AGL: variants seen among roughly 807,000 people sequenced by gnomAD.
The protein encoded by AGL is amylo-alpha-1,6-glucosidase and 4-alpha-glucanotransferase, also known as glycogen debranching enzyme.
A neutral mutation model predicts 199.3 loss-of-function variants in AGL; 128 were observed. The observed-to-expected ratio is 0.64, with a 90% CI of 0.56 to 0.74. The LOEUF (loss-of-function observed/expected upper bound fraction) is 0.74, where lower values mean the gene tolerates loss of function less well. AGL is among the 30% of genes least tolerant of loss of function. The probability of loss-of-function intolerance (pLI) is 0.00; values close to 1 mark genes in which losing one functional copy is unlikely to be tolerated. For missense variants in AGL, 1,809 were observed against 1,820.8 expected, an observed-to-expected ratio of 0.99 and a Z score of 0.12; for synonymous variants, 584 against 594.7, an observed-to-expected ratio of 0.98 and a Z score of 0.26.
chr1:99,849,795 G>A (rs1648777809), upstream of AGL, among the ~76,000 whole-genome samples: 2 of 152,236 alleles, frequency 1.3e-5, no homozygotes, highest in South Asian at 4.1e-4. Context: ...GACACCAGAA[G>A]CCAGGTCGTT....
chr1:99,904,867 C>T (rs1570492062), intron 27 of AGL, among the ~76,000 whole-genome samples: 1 of 152,238 alleles, frequency 6.6e-6, no homozygotes, highest in East Asian at 1.9e-4. Context: ...TCATCCAAAC[C>T]ATTCATCCAT....
Position 99,861,539 on chromosome 1 carries a change from A to C in AGL, c.119A>C (p.Gln40Pro), listed in dbSNP as rs1364402397. ...CAGTTCCGATTAGGCCCAACTTTAC[A>C]GGGAAAAGCAGTTACCGTGTATACA... ...ELQFRLGPTL[Q>P]GKAVTVYTNY... The change falls in exon 3 of 34, where the codon CAG becomes CCG. Residue 40 changes from glutamine to proline, a missense_variant. Coordinates refer to ENST00000361915, the MANE Select transcript of AGL (RefSeq NM_000642.3). 6.2e-7 allele frequency: 1 copy of C among 1,613,932 alleles called. No individual in the cohort carries two copies. Among genetic ancestry groups the C allele is most frequent in the East Asian group, 2.2e-5 (1 of 44,846 alleles).
chr1:99,881,099 TC>T lies in AGL; in HGVS notation c.1925del (p.Pro642GlnfsTer22), dbSNP rs753246978. 2 of 1,613,958 alleles carry T rather than the reference TC, an allele frequency of 1.2e-6. No individual in the cohort carries two copies. Among genetic ancestry groups the T allele is most frequent in the Admixed American group, 1.7e-5 (1 of 60,008 alleles). Reference protein sequence around the residue: ...IVHRSAYDALPSTTIVSMACC... With the variant: ...IVHRSAYDALXSTTIVSMACC... ...AGCATAGATCAGCGTATGATGCTCT[TC>T]CAAGTACTACAATTGTTTCTATGGC... On this transcript the variant is annotated frameshift_variant, in exon 15 of 34. Coordinates refer to ENST00000361915, the MANE Select transcript of AGL (RefSeq NM_000642.3). LOFTEE classifies it high-confidence loss of function.
chr1:99,904,619 C>T (rs373480501), intron 27 of AGL, among the ~76,000 whole-genome samples: 50 of 152,208 alleles, frequency 3.3e-4, no homozygotes, highest in African/African-American at 1.1e-3. Context: ...CTGACCACTC[C>T]ACCCCCAACC....
intron 5 of AGL, among the ~76,000 whole-genome samples, chr1:99,869,167 A>C (rs1003711520): frequency 6.6e-6 from 1 of 152,126 alleles, no homozygotes; most frequent in African/African-American, 2.4e-5. Flanking sequence ...TTTGGACATA[A>C]GTTATTACTA....
At chr1:99,902,584 G>C (rs1653927017) in intron 26 of AGL, 99 bp from the exon 27 acceptor site, 1 of 985,806 alleles carries the variant, frequency 1.0e-6, no homozygotes, top group Non-Finnish European at 1.6e-6. Context: ...CACTTCAAAG[G>C]AAAGTATATA....
At chr1:99,912,370 A>G (rs1354336343) in intron 28 of AGL, 35 bp from the exon 29 acceptor site, 2 of 1,555,038 alleles carry the variant, frequency 1.3e-6, no homozygotes, top group Non-Finnish European at 1.8e-6. Context: ...AAAGGACGCC[A>G]ACTTAAAGAA....
Position 99,896,375 on chromosome 1 carries a change from T to G in AGL, c.3349T>G (p.Tyr1117Asp). The G allele has an allele frequency of 6.2e-7, 1 of 1,613,328 alleles. No homozygotes were observed. Reference protein sequence around the residue: ...LRGILLITGRYVEARNIILAF... With the variant: ...LRGILLITGRDVEARNIILAF... Reference sequence around the variant, plus strand: ...AGGTATACTGCTGATTACTGGACGCTATGTAGAAGCCAGGTAGGAGAGCCT... The same window carrying G: ...AGGTATACTGCTGATTACTGGACGCGATGTAGAAGCCAGGTAGGAGAGCCT... The change falls in exon 25 of 34, where the codon TAT (tyrosine) becomes GAT (aspartate). Residue 1117 changes from tyrosine (Y) to aspartate (D), a missense_variant. Tyr to Asp is a radical substitution (Grantham distance 160). Coordinates refer to ENST00000361915, the MANE Select transcript of AGL (RefSeq NM_000642.3).
intron 4 of AGL, among the ~76,000 whole-genome samples, chr1:99,863,945 A>G (rs1251074344): frequency 1.3e-5 from 2 of 152,078 alleles, no homozygotes; most frequent in Non-Finnish European, 2.9e-5. Flanking sequence ...CCTGATCTCA[A>G]TATTAATTTT....
rs1157077836 is a variant in AGL, at chr1:99,900,986, A to G, written c.3588+125A>G. 4.3e-6 allele frequency: 4 copies of G among 930,646 alleles called. No individual in the cohort carries two copies. In the East Asian group the frequency reaches 1.0e-4, roughly 24 times the overall value. 57.6% of individuals were successfully genotyped at this position (930,646 alleles called of 1,614,324 possible). A position where few individuals can be genotyped will look rare whatever the true frequency, so the allele number is the denominator to read the frequency against. ...TCTTACGAATTATTCAAATGTCAGT[A>G]TTGATTTGGCACCTGCTGGTACTAT... On this transcript the variant is annotated intron_variant, in intron 26 of 33. Coordinates refer to ENST00000361915, the MANE Select transcript of AGL (RefSeq NM_000642.3).
intron 27 of AGL, among the ~76,000 whole-genome samples, chr1:99,904,152 T>C (rs540624768): frequency 5.3e-5 from 8 of 152,162 alleles, no homozygotes; most frequent in Non-Finnish European, 8.8e-5. Flanking sequence ...TAAATGTGCT[T>C]TTCTAACTTC....
intron 23 of AGL, 150 bp from the exon 24 acceptor site, chr1:99,892,282 A>T (rs992151921): frequency 9.4e-6 from 7 of 742,158 alleles, no homozygotes; most frequent in Admixed American, 5.3e-5. Context: ...AGCAGTTTTG[A>T]AATCTAACCA....
chr1:99,853,085 A>T (rs1649115732), intron 2 of AGL, among the ~76,000 whole-genome samples: 1 of 152,120 alleles, frequency 6.6e-6, no homozygotes, highest in Non-Finnish European at 1.5e-5. Flanking sequence ...TTCTTTCCAA[A>T]TATCTCTGAT....
At chr1:99,868,923 C>T (rs1650759118) in intron 5 of AGL, among the ~76,000 whole-genome samples, 1 of 150,410 alleles carries the variant, frequency 6.6e-6, no homozygotes, top group Non-Finnish European at 1.5e-5. Context: ...TTATTGGGGT[C>T]AAGCAGCCCT....
chr1:99,874,086 A>G (rs11800612), intron 7 of AGL, among the ~76,000 whole-genome samples: 58,126 of 151,816 alleles, frequency 0.38, 12,100 homozygotes, highest in East Asian at 0.49. Context: ...TGAAAAGGGA[A>G]AAAAAGTATT....
At position 99,892,378 on chromosome 1, in the gene AGL, A is replaced by G; in HGVS notation, c.3084-54A>G. On this transcript the variant is annotated intron_variant, in intron 23 of 33. Transcript: ENST00000361915. ...GAAGGAAAGAAACCAAGTAAAATAA[A>G]ACTGCTAAAAATTGTATTTCTACAA... 6 of 1,530,558 alleles carry G rather than the reference A, an allele frequency of 3.9e-6. 1 individual carries two copies. In the South Asian group the frequency reaches 6.8e-5, roughly 17 times the overall value. The allele number at this position is 1,530,558 out of a possible 1,614,324, so 94.8% of individuals were successfully genotyped here.
chr1:99,856,791 C>G (rs148557268), intron 2 of AGL, among the ~76,000 whole-genome samples: 3,683 of 152,306 alleles, frequency 0.024, 67 homozygotes, highest in South Asian at 0.071. Context: ...CATCCCAAGG[C>G]AGAATTTTTC....
chr1:99,888,089 T>TA lies in AGL; in HGVS notation c.2796dup (p.Tyr933IlefsTer19). 2 of 1,613,256 alleles carry TA rather than the reference T, an allele frequency of 1.2e-6. No homozygotes were observed. The highest frequency in any genetic ancestry group is 1.7e-6 in the Non-Finnish European group (2 of 1,179,550). On this transcript the variant is annotated frameshift_variant, in exon 21 of 34. Transcript: ENST00000361915. LOFTEE classifies it high-confidence loss of function. ...ATGACATACCAAACTGGTCAGCCCT[T>TA]AAATATGCAGGTCTTCAAGGTAAGC...
At position 99,891,740 on chromosome 1, in the gene AGL, GTA is replaced by G. The variant is rs781189361; in HGVS notation, c.3083+5_3083+6del. 10 of 1,613,304 alleles carry G rather than the reference GTA, an allele frequency of 6.2e-6. No homozygotes were observed. The South Asian group carries it at 7.7e-5, about 12-fold the overall frequency. ...ATACAGCATGGAAGCAGATGTCAAGGTATATCCAACAAAGCTTGAATAAATGG... is the reference window on the plus strand; with the variant it reads ...ATACAGCATGGAAGCAGATGTCAAGGTATCCAACAAAGCTTGAATAAATGG... On this transcript the variant is annotated splice_donor_variant and splice_donor_region_variant and intron_variant, in intron 23 of 33. Transcript: ENST00000361915. LOFTEE classifies it high-confidence loss of function.
Sources: allele counts gnomAD v4.1 joint callset (sites outside exome capture counted in the v4.1 genomes callset), GRCh38; gene constraint gnomAD v4.1.1; transcripts MANE v1.5; gene names NCBI Gene and HGNC (gene_info 2026-07-23, HGNC 2026-07-21).